Variants in TFB2M observed in about 807,000 individuals in gnomAD.
The protein encoded by TFB2M is dimethyladenosine transferase 2, mitochondrial.
Under a neutral mutation model 41.3 loss-of-function variants are expected in TFB2M, and 44 were observed. The observed-to-expected ratio is 1.07, with a 90% CI of 0.84 to 1.37. TFB2M has a LOEUF of 1.37. TFB2M is among the 40% of genes most tolerant of loss of function. TFB2M has a pLI of 0.00. For missense variants in TFB2M, 496 were observed against 490.2 expected (o/e 1.01, Z -0.11); for synonymous variants, 188 against 176.8 (o/e 1.06, Z -0.50).
At chr1:246,544,490 C>A in intron 7 of TFB2M, 31 bp downstream of exon 7, 15 of 1,564,022 alleles carry the variant, frequency 9.6e-6, no homozygotes, top group Non-Finnish European at 1.3e-5. Flanking sequence ...ATCGTTGCTA[C>A]TTTATACTTG....
intron 6 of TFB2M, among the ~76,000 whole-genome samples, chr1:246,547,083 A>T (rs886958163): frequency 6.6e-6 from 1 of 151,122 alleles, no homozygotes; most frequent in Non-Finnish European, 1.5e-5. Flanking sequence ...TCCCAGGTTC[A>T]ACTGATTCTC....
rs1658834615 is a variant in TFB2M, at chr1:246,540,918, T to C, written c.*113A>G. 2.9e-6 allele frequency: 3 copies of C among 1,027,630 alleles called. No homozygotes were observed. The Admixed American group carries it at 7.8e-5, about 27-fold the overall frequency. 63.7% of individuals were successfully genotyped at this position (1,027,630 alleles called of 1,614,324 possible). A position where few individuals can be genotyped will look rare whatever the true frequency, so the allele number is the denominator to read the frequency against. ...TAGGAGAAATGATCTGCCTGGCTTG[T>C]GCAAGACAAGAACAGTTACCTTCTG... is the stretch of plus-strand genomic sequence containing the variant. On this transcript the variant is annotated 3_prime_UTR_variant, in exon 8 of 8. Coordinates refer to ENST00000366514, the MANE Select transcript of TFB2M (RefSeq NM_022366.3).
At chr1:246,541,720 C>T (rs1304187004) in intron 7 of TFB2M, among the ~76,000 whole-genome samples, 1 of 152,192 alleles carries the variant, frequency 6.6e-6, no homozygotes, top group Non-Finnish European at 1.5e-5. Context: ...ATTATGCCTA[C>T]CTCTTTCATC....
intron 6 of TFB2M, among the ~76,000 whole-genome samples, chr1:246,547,611 G>T (rs529334697): frequency 3.4e-4 from 51 of 150,548 alleles, no homozygotes; most frequent in African/African-American, 1.1e-3. Context: ...AAACAAACAA[G>T]ATCTTCAGAC....
At chr1:246,559,525 G>A (rs1194192883) in intron 2 of TFB2M, among the ~76,000 whole-genome samples, 2 of 152,126 alleles carry the variant, frequency 1.3e-5, no homozygotes, top group Non-Finnish European at 2.9e-5. Flanking sequence ...CTCTAGTCAG[G>A]GTGACAGAGT....
At position 246,564,387 on chromosome 1, in the gene TFB2M, C is replaced by T. The variant is rs573205500; in HGVS notation, c.361G>A (p.Val121Ile). 4.3e-6 allele frequency: 7 copies of T among 1,614,216 alleles called. No homozygotes were observed. In the East Asian group the frequency reaches 1.3e-4, roughly 31 times the overall value. ...AAAGTTTTGTCACTTTCGAGCGCAACCACTTTGGCACCAGCTTCAAGTAAT... is the reference window on the plus strand; with the variant it reads ...AAAGTTTTGTCACTTTCGAGCGCAATCACTTTGGCACCAGCTTCAAGTAAT... ...QALLEAGAKV[V>I]ALESDKTFIP... Residue 121 changes from valine to isoleucine, a missense_variant, in exon 2 of 8, where the codon GTT becomes ATT. Val to Ile is a conservative substitution (Grantham distance 29, BLOSUM62 3). Coordinates refer to ENST00000366514, the MANE Select transcript of TFB2M (RefSeq NM_022366.3).
chr1:246,566,213 C>A lies in TFB2M; in HGVS notation c.-75G>T. The A allele has an allele frequency of 6.8e-7, 1 of 1,478,346 alleles. No individual in the cohort carries two copies. The allele number at this position is 1,478,346 out of a possible 1,614,324, so 91.6% of individuals were successfully genotyped here. On this transcript the variant is annotated 5_prime_UTR_variant, in exon 1 of 8. Coordinates refer to ENST00000366514, the MANE Select transcript of TFB2M (RefSeq NM_022366.3). ...AGTGAACCCCACGCAGGGTATCCCA[C>A]GTGGAACATTTTCTGGCGTCCGGGC...
At chr1:246,546,962 T>C (rs1026416074) in intron 6 of TFB2M, among the ~76,000 whole-genome samples, 4 of 73,966 alleles carry the variant, frequency 5.4e-5, no homozygotes, top group African/African-American at 1.0e-4. Flanking sequence ...TATATATGTA[T>C]ATATACACAC....
Position 246,566,118 on chromosome 1 carries a change from C to G in TFB2M, c.21G>C (p.Gly7=). Residue 7 remains glycine, a synonymous_variant, in exon 1 of 8, where the codon GGG becomes GGC. Coordinates refer to ENST00000366514, the MANE Select transcript of TFB2M (RefSeq NM_022366.3). The part of the protein sequence containing the change: MWIPVV[G]LPRRLRLSAL... ...CGGAGAGCCTCAGCCGCCGAGGAAG[C>G]CCGACCACTGGGATCCACATGTCCT... The G allele has an allele frequency of 1.9e-6, 3 of 1,610,048 alleles. No homozygotes were observed. Among genetic ancestry groups the G allele is most frequent in the Non-Finnish European group, 2.5e-6 (3 of 1,177,070 alleles).
At chr1:246,546,049 C>T (rs1481717401) in intron 6 of TFB2M, among the ~76,000 whole-genome samples, 1 of 152,006 alleles carries the variant, frequency 6.6e-6, no homozygotes, top group Non-Finnish European at 1.5e-5. Context: ...GGCCGGGTTG[C>T]TCACACCTAC....
At chr1:246,564,456 A>T in intron 1 of TFB2M, 22 bp from the exon 2 acceptor site, 1 of 1,605,184 alleles carries the variant, frequency 6.2e-7, no homozygotes. Context: ...ACAGAACGAA[A>T]AGTTTATTTG....
rs1056673583 is a variant in TFB2M at position 246,551,605 on chromosome 1, C to T, written c.706-303G>A. Reference sequence around the variant, plus strand: ...GGCACGCGGGGTCACGCTTGTAATTCCAGCACTTTGGGAGGCCAAGGTGGG... The same window carrying T: ...GGCACGCGGGGTCACGCTTGTAATTTCAGCACTTTGGGAGGCCAAGGTGGG... On this transcript the variant is annotated intron_variant, in intron 4 of 7. Transcript: ENST00000366514. 1.7e-4 allele frequency among the ~76,000 whole-genome samples: 24 copies of T among 138,192 alleles called. 1 individual carries two copies. Among genetic ancestry groups the T allele is most frequent in the African/African-American group, 6.3e-4 (23 of 36,536 alleles). The allele number at this position is 138,192 out of a possible 152,430, so 90.7% of individuals were successfully genotyped here. A position where few individuals can be genotyped will look rare whatever the true frequency, so the allele number is the denominator to read the frequency against.
intron 4 of TFB2M, among the ~76,000 whole-genome samples, chr1:246,552,628 G>A (rs1303641606): frequency 6.6e-6 from 1 of 151,840 alleles, no homozygotes; most frequent in Non-Finnish European, 1.5e-5. Context: ...GAGCCCAGGA[G>A]TTTGAGGCTG....
chr1:246,547,222 T>TC (rs1270567729), intron 6 of TFB2M, among the ~76,000 whole-genome samples: 2 of 152,156 alleles, frequency 1.3e-5, no homozygotes, highest in Non-Finnish European at 2.9e-5. Context: ...GACCTCGTGA[T>TC]CCACCCACCT....
intron 2 of TFB2M, 67 bp downstream of exon 2, chr1:246,564,279 C>T (rs1659531148): frequency 1.4e-6 from 2 of 1,385,420 alleles, no homozygotes; most frequent in African/African-American, 2.9e-5. Flanking sequence ...TGCTTAATTC[C>T]ATTTCCTTAA....
intron 4 of TFB2M, among the ~76,000 whole-genome samples, chr1:246,556,348 GT>G (rs1659320354): frequency 6.6e-6 from 1 of 152,184 alleles, no homozygotes; most frequent in South Asian, 2.1e-4. Context: ...ATGATGAAAA[GT>G]TTTGGAGACA....
intron 7 of TFB2M, among the ~76,000 whole-genome samples, chr1:246,542,171 C>A (rs549801815): frequency 3.4e-4 from 51 of 151,892 alleles, no homozygotes; most frequent in African/African-American, 1.2e-3. Flanking sequence ...TCTTATGGGA[C>A]CACTATTGTA....
At chr1:246,546,919 C>T (rs914098495) in intron 6 of TFB2M, among the ~76,000 whole-genome samples, 27 of 150,124 alleles carry the variant, frequency 1.8e-4, no homozygotes, top group Admixed American at 1.2e-3. Flanking sequence ...TAAAATATGA[C>T]ATTTGCTTAT....
chr1:246,552,167 C>T (rs12119242), intron 4 of TFB2M, among the ~76,000 whole-genome samples: 31,185 of 151,648 alleles, frequency 0.21, 3,382 homozygotes, highest in African/African-American at 0.24. Flanking sequence ...CCCAGCTACT[C>T]GAAAGGCTGA....
Sources: allele counts gnomAD v4.1 joint callset (sites outside exome capture counted in the v4.1 genomes callset), GRCh38; gene constraint gnomAD v4.1.1; transcripts MANE v1.5; gene names NCBI Gene and HGNC (gene_info 2026-07-23, HGNC 2026-07-21).